PIEZO2: variants seen among roughly 807,000 people sequenced by gnomAD.
PIEZO2 encodes the protein piezo-type mechanosensitive ion channel component 2.
In PIEZO2, 172 loss-of-function variants were observed where a neutral mutation model predicts 337.3. That is an observed-to-expected ratio of 0.51 (90% confidence interval 0.45 to 0.58). The LOEUF (loss-of-function observed/expected upper bound fraction) is 0.58. Ranked by LOEUF, PIEZO2 falls within the 20% of genes least tolerant of loss-of-function variation. PIEZO2 has a pLI of 0.00. For synonymous variants in PIEZO2, 1,251 were observed against 1,228.5 expected, an observed-to-expected ratio of 1.02 and a Z score of -0.38; for missense variants, 3,028 against 3,391.3, an observed-to-expected ratio of 0.89 and a Z score of 2.66.
At chr18:10,898,399 C>T (rs899260964) in intron 4 of PIEZO2, among the ~76,000 whole-genome samples, 15 of 150,720 alleles carry the variant, frequency 1.0e-4, no homozygotes, top group South Asian at 2.1e-4. Context: ...CCAGCCTGGG[C>T]GACAGAGCGA....
intron 3 of PIEZO2, among the ~76,000 whole-genome samples, chr18:10,944,720 G>C (rs1489449505): frequency 6.6e-6 from 1 of 151,808 alleles, no homozygotes; most frequent in Non-Finnish European, 1.5e-5. Flanking sequence ...AAATTGATGA[G>C]ACAGTGTCCA....
chr18:10,726,516 G>A lies in PIEZO2; in HGVS notation c.5029+4891C>T. ...CTGCTCCGCAAGCAGCCGTTCCTGTGGCGCGCTGCGCTGCTCTGCTCTGCT... is the reference window on the plus strand; with the variant it reads ...CTGCTCCGCAAGCAGCCGTTCCTGTAGCGCGCTGCGCTGCTCTGCTCTGCT... On this transcript the variant is annotated intron_variant, in intron 36 of 55. Coordinates refer to ENST00000674853, the MANE Select transcript of PIEZO2 (RefSeq NM_001378183.1). This position sits in a 1 kb window ranked among gnomAD's most constrained non-coding sequence, Gnocchi z 5.9. The A allele has an allele frequency of 2.7e-6, 4 of 1,482,560 alleles. No homozygotes were observed. Among genetic ancestry groups the A allele is most frequent in the Non-Finnish European group, 2.7e-6 (3 of 1,120,018 alleles). 91.8% of individuals were successfully genotyped at this position (1,482,560 alleles called of 1,614,324 possible).
chr18:11,022,698 T>C (rs2036355824), intron 2 of PIEZO2, among the ~76,000 whole-genome samples: 1 of 152,166 alleles, frequency 6.6e-6, no homozygotes. Flanking sequence ...CATATGAATT[T>C]AAGGGGGACA....
rs2039654524 is a variant in PIEZO2 at position 10,797,516 on chromosome 18, CGCTT to C, written c.1381_1384del (p.Lys461GlufsTer36). Reference sequence around the variant, plus strand: ...TTCTTTCTCTTCCTCTTCCTCCTCTCGCTTTTCTAGATGGACGAATACTTTATTT... The same window carrying C: ...TTCTTTCTCTTCCTCTTCCTCCTCTCTTCTAGATGGACGAATACTTTATTT... On this transcript the variant is annotated frameshift_variant and splice_region_variant, in exon 12 of 56. Transcript: ENST00000674853. LOFTEE classifies it high-confidence loss of function. 6.5e-7 allele frequency: 1 copy of C among 1,536,682 alleles called. No individual in the cohort carries two copies. Among genetic ancestry groups the C allele is most frequent in the Non-Finnish European group, 8.7e-7 (1 of 1,146,768 alleles).
intron 3 of PIEZO2, among the ~76,000 whole-genome samples, chr18:10,926,114 A>G (rs1344692338): frequency 6.6e-6 from 1 of 152,218 alleles, no homozygotes; most frequent in African/African-American, 2.4e-5. Context: ...AGAAAGCTAC[A>G]GAAAACTAGT....
rs2037594123 is a variant in PIEZO2 at position 10,750,226 on chromosome 18, A to G, written c.4168-39T>C. On this transcript the variant is annotated intron_variant, in intron 28 of 55. Transcript: ENST00000674853. This position sits in a 1 kb window ranked among gnomAD's most constrained non-coding sequence, Gnocchi z 4.1. ...GAGGGGGATAATCCTGAAGCTCTGC[A>G]GCCAGAAAAAAAAGTGGTGTTTTAT... 1 of 1,448,944 alleles carries G rather than the reference A, an allele frequency of 6.9e-7. No homozygotes were observed. Among genetic ancestry groups the G allele is most frequent in the Non-Finnish European group, 9.4e-7 (1 of 1,066,660 alleles). 89.8% of individuals were successfully genotyped at this position (1,448,944 alleles called of 1,614,324 possible).
rs1441397419 is a variant in PIEZO2, at chr18:11,070,158, C to T, written c.65-3936G>A. 3.3e-5 allele frequency among the ~76,000 whole-genome samples: 5 copies of T among 152,164 alleles called. No homozygotes were observed. The highest frequency in any genetic ancestry group is 7.3e-5 in the Non-Finnish European group (5 of 68,030). On this transcript the variant is annotated intron_variant, in intron 1 of 55. Coordinates refer to ENST00000674853, the MANE Select transcript of PIEZO2 (RefSeq NM_001378183.1). The surrounding 1 kb of genome is among the most constrained non-coding windows in gnomAD (Gnocchi z 4.3). Reference sequence around the variant, plus strand: ...CTGCACACCTAGACATATGGTGTAGCCTACTGCTCCTAGGCCAAAAACCTA... The same window carrying T: ...CTGCACACCTAGACATATGGTGTAGTCTACTGCTCCTAGGCCAAAAACCTA...
intron 3 of PIEZO2, among the ~76,000 whole-genome samples, chr18:10,918,969 TTATAAG>T (rs575128423): frequency 6.6e-5 from 10 of 152,164 alleles, no homozygotes; most frequent in African/African-American, 1.7e-4. Flanking sequence ...AGGAGTATAA[TTATAAG>T]TATATGTAAA....
intron 2 of PIEZO2, among the ~76,000 whole-genome samples, chr18:10,987,123 C>A (rs529618453): frequency 6.6e-6 from 1 of 151,774 alleles, no homozygotes. Flanking sequence ...ATTTAAGATG[C>A]CCATACTGCC....
chr18:10,811,428 T>C (rs1012365017), intron 7 of PIEZO2, among the ~76,000 whole-genome samples: 1 of 152,208 alleles, frequency 6.6e-6, no homozygotes, highest in African/African-American at 2.4e-5. Flanking sequence ...TAAAGGTAAG[T>C]TTTTTTAACT....
chr18:10,685,961 GC>G (rs34435125), intron 49 of PIEZO2, among the ~76,000 whole-genome samples: 1 of 151,902 alleles, frequency 6.6e-6, no homozygotes, highest in African/African-American at 2.4e-5. Context: ...GCTCACTTGT[GC>G]CTCTGACTCT....
At chr18:10,927,470 G>T (rs796319092) in intron 3 of PIEZO2, among the ~76,000 whole-genome samples, 26 of 152,286 alleles carry the variant, frequency 1.7e-4, no homozygotes, top group African/African-American at 6.0e-4. Flanking sequence ...ACAGTTCTGT[G>T]ACAGCCAAGC....
chr18:11,103,010 G>T (rs1388933014), intron 1 of PIEZO2, among the ~76,000 whole-genome samples: 2 of 152,128 alleles, frequency 1.3e-5, no homozygotes, highest in African/African-American at 4.8e-5. Context: ...GCTAGGGGAG[G>T]GGTGCACTAG....
intron 2 of PIEZO2, among the ~76,000 whole-genome samples, chr18:11,044,092 T>C (rs2037216333): frequency 1.3e-5 from 2 of 151,844 alleles, no homozygotes; most frequent in South Asian, 2.1e-4. Context: ...TAGGATACTT[T>C]AGAATCCAAA....
Position 10,701,978 on chromosome 18 carries a change from A to T in PIEZO2, c.6441+11T>A, listed in dbSNP as rs1271108323. The T allele has an allele frequency of 6.6e-7, 1 of 1,512,718 alleles. No individual in the cohort carries two copies. The highest frequency in any genetic ancestry group is 8.8e-7 in the Non-Finnish European group (1 of 1,138,632). 93.7% of individuals were successfully genotyped at this position (1,512,718 alleles called of 1,614,324 possible). A position where few individuals can be genotyped will look rare whatever the true frequency, so the allele number is the denominator to read the frequency against. ...ACCAACTTGAACTGATTAATTGTTAACATGCAGTACCTTCAAAATTGATCG... is the reference window on the plus strand; with the variant it reads ...ACCAACTTGAACTGATTAATTGTTATCATGCAGTACCTTCAAAATTGATCG... On this transcript the variant is annotated intron_variant, in intron 43 of 55. Transcript: ENST00000674853.
At position 10,724,509 on chromosome 18, in the gene PIEZO2, C is replaced by A. The variant is rs1202514937; in HGVS notation, c.5030-6250G>T. 3.1e-5 allele frequency: 14 copies of A among 447,616 alleles called. No homozygotes were observed. The highest frequency in any genetic ancestry group is 5.1e-5 in the Non-Finnish European group (13 of 254,274). 27.7% of individuals were successfully genotyped at this position (447,616 alleles called of 1,614,324 possible). On this transcript the variant is annotated intron_variant, in intron 36 of 55. Coordinates refer to ENST00000674853, the MANE Select transcript of PIEZO2 (RefSeq NM_001378183.1). This position sits in a 1 kb window ranked among gnomAD's most constrained non-coding sequence, Gnocchi z 5.8. ...AATGCGGAGTACAGGGCCTGCTGGTCCTCTGGTCACACCCACTCATGCTGG... is the reference window on the plus strand; with the variant it reads ...AATGCGGAGTACAGGGCCTGCTGGTACTCTGGTCACACCCACTCATGCTGG...
intron 3 of PIEZO2, among the ~76,000 whole-genome samples, chr18:10,968,023 T>C (rs1015155992): frequency 6.6e-6 from 1 of 152,214 alleles, no homozygotes; most frequent in Non-Finnish European, 1.5e-5. Flanking sequence ...TCATGAAGTC[T>C]TTGCCAATGG....
chr18:10,814,107 A>G (rs566388350), intron 7 of PIEZO2, among the ~76,000 whole-genome samples: 55 of 151,802 alleles, frequency 3.6e-4, no homozygotes, highest in African/African-American at 1.2e-3. Flanking sequence ...AGCTGGGACT[A>G]CAGGCGCCCA....
chr18:10,763,338 T>C (rs2038219915), intron 21 of PIEZO2: 2 of 510,246 alleles, frequency 3.9e-6, no homozygotes, highest in South Asian at 2.6e-5. Flanking sequence ...ATCAATATCA[T>C]GTAGCACTGG....
Sources: gnomAD v4.1 joint callset for allele counts (sites outside exome capture counted in the v4.1 genomes callset) on GRCh38, gnomAD v4.1.1 for gene constraint, Gnocchi (gnomAD v3.1) non-coding constraint, MANE v1.5 for transcripts, NCBI Gene and HGNC (gene_info 2026-07-23, HGNC 2026-07-21) for gene names.